The following AKAP13 variants were observed in gnomAD, a reference collection of about 807,000 sequenced individuals.
AKAP13 encodes the protein A-kinase anchoring protein 13.
AKAP13 carries 80 observed loss-of-function variants against 264.5 expected under a neutral mutation model. The ratio of observed to expected loss-of-function variants is 0.30; its 90% CI spans 0.25 to 0.36. The LOEUF is 0.36. Among genes scored for constraint, AKAP13 ranks in the 10% least tolerant of loss-of-function variants. The probability of loss-of-function intolerance (pLI) is 1.00; values close to 1 mark genes in which losing one functional copy is unlikely to be tolerated. For synonymous variants in AKAP13, 1,380 were observed against 1,250.2 expected (o/e 1.10, Z -2.19); for missense variants, 3,712 against 3,435.2 (o/e 1.08, Z -2.01).
At chr15:85,538,711 G>A (rs1351943325) in intron 4 of AKAP13, among the ~76,000 whole-genome samples, 3 of 151,184 alleles carry the variant, frequency 2.0e-5, no homozygotes, top group African/African-American at 7.3e-5. Context: ...GGATGGTCTC[G>A]ATCTCCTGAC....
Position 85,682,184 on chromosome 15 carries a change from C to G in AKAP13, c.5128C>G (p.His1710Asp). ...DNSRPFHSTFHNTSANLTESI... is the reference protein window; with the variant it reads ...DNSRPFHSTFDNTSANLTESI... Reference sequence around the variant, plus strand: ...TTCACGGCCCTTCCACAGTACCTTCCACAATACCAGTGCTAATCTGACTGA... The same window carrying G: ...TTCACGGCCCTTCCACAGTACCTTCGACAATACCAGTGCTAATCTGACTGA... The change falls in exon 15 of 37, where the codon CAC becomes GAC. Residue 1710 changes from histidine (H) to aspartate (D), a missense_variant. This residue lies in a region of AKAP13 where 2,759 missense variants were observed against 2,411.7 expected (regional missense o/e 1.14). Transcript: ENST00000394518. 1.2e-6 allele frequency: 2 copies of G among 1,613,500 alleles called. No homozygotes were observed. Among genetic ancestry groups the G allele is most frequent in the Non-Finnish European group, 1.7e-6 (2 of 1,179,932 alleles).
intron 10 of AKAP13, among the ~76,000 whole-genome samples, chr15:85,650,760 A>AAAAAAAAAAAAAAAAAAAAAAAAC (rs2082774599): frequency 2.3e-5 from 1 of 43,962 alleles, no homozygotes; most frequent in Admixed American, 2.1e-4. Flanking sequence ...CATCTCAAAA[A>AAAAAAAAAAAAAAAAAAAAAAAAC]AAAAAAAAAA....
chr15:85,443,614 A>G (rs1165182122), intron 1 of AKAP13, among the ~76,000 whole-genome samples: 2 of 152,206 alleles, frequency 1.3e-5, no homozygotes, highest in Non-Finnish European at 2.9e-5. Flanking sequence ...ATCTAAACAT[A>G]GAAAAGGTAC....
Position 85,525,089 on chromosome 15 carries a change from C to T in AKAP13, c.181+3514C>T, listed in dbSNP as rs186421560. ...TTTTTTTTTTTTTGAGATGGAGTCTCGCTCTGTGGTCCAGGCTGGAGTGCA... is the reference window on the plus strand; with the variant it reads ...TTTTTTTTTTTTTGAGATGGAGTCTTGCTCTGTGGTCCAGGCTGGAGTGCA... On this transcript the variant is annotated intron_variant, in intron 3 of 36. Coordinates refer to ENST00000394518, the MANE Select transcript of AKAP13 (RefSeq NM_007200.5). Among the ~76,000 whole-genome samples, 811 of 132,116 alleles carry T rather than the reference C, an allele frequency of 6.1e-3. 1 individual carries two copies. The highest frequency in any genetic ancestry group is 0.013 in the Middle Eastern group (2 of 160). The allele number at this position is 132,116 out of a possible 152,430, so 86.7% of individuals were successfully genotyped here.
At chr15:85,544,091 TG>T (rs2077654842) in intron 5 of AKAP13, 136 bp downstream of exon 5, 1 of 1,048,812 alleles carries the variant, frequency 9.5e-7, no homozygotes, top group Non-Finnish European at 1.4e-6. Flanking sequence ...TGCCTTCTGC[TG>T]GAGGTTTGTA....
chr15:85,546,616 G>C (rs2151220761), intron 5 of AKAP13, among the ~76,000 whole-genome samples: 1 of 152,212 alleles, frequency 6.6e-6, no homozygotes, highest in Admixed American at 6.5e-5. Flanking sequence ...CATGGGGTCT[G>C]TATCTCTTGA....
chr15:85,582,221 T>C, intron 7 of AKAP13, 114 bp downstream of exon 7: 3 of 1,199,158 alleles, frequency 2.5e-6, no homozygotes, highest in Non-Finnish European at 3.4e-6. Context: ...CTTGCACTCA[T>C]TGGGTAGGTA....
At position 85,726,394 on chromosome 15, in the gene AKAP13, C is replaced by T. The variant is rs2087618787; in HGVS notation, c.6746-16C>T. The T allele has an allele frequency of 1.2e-6, 2 of 1,607,004 alleles. No homozygotes were observed. Among genetic ancestry groups the T allele is most frequent in the Non-Finnish European group, 1.7e-6 (2 of 1,175,358 alleles). ...GTCATCGTTTTATCTTCCCTTCTCC[C>T]ATTTCCATTTTCCAGAGGTTCAAGC... On this transcript the variant is annotated splice_polypyrimidine_tract_variant and intron_variant, in intron 26 of 36. Transcript: ENST00000394518.
At chr15:85,650,170 T>A (rs1158899658) in intron 10 of AKAP13, among the ~76,000 whole-genome samples, 1 of 152,178 alleles carries the variant, frequency 6.6e-6, no homozygotes, top group East Asian at 1.9e-4. Context: ...TGGTTCACAC[T>A]TGTAATCCCA....
intron 17 of AKAP13, among the ~76,000 whole-genome samples, chr15:85,703,536 A>T (rs943727729): frequency 3.3e-5 from 5 of 152,148 alleles, no homozygotes; most frequent in Non-Finnish European, 5.9e-5. Context: ...CGATGTCTCA[A>T]ATCCCCCAAA....
intron 19 of AKAP13, among the ~76,000 whole-genome samples, chr15:85,712,778 AAG>A (rs1211117681): frequency 6.6e-6 from 1 of 152,180 alleles, no homozygotes; most frequent in Non-Finnish European, 1.5e-5. Flanking sequence ...TTTTGACCTC[AAG>A]GCATCTGTCT....
chr15:85,535,826 G>C (rs1329847362), intron 4 of AKAP13: 9 of 143,548 alleles, frequency 6.3e-5, no homozygotes, highest in Non-Finnish European at 6.0e-5. Context: ...TTGAGATAGA[G>C]TCTTGCTCTG....
chr15:85,546,005 A>G (rs2077723666), intron 5 of AKAP13, among the ~76,000 whole-genome samples: 1 of 151,946 alleles, frequency 6.6e-6, no homozygotes, highest in Admixed American at 6.6e-5. Flanking sequence ...GCCCCTGATA[A>G]CCTCTGTTCT....
chr15:85,658,516 C>T (rs1394073986), intron 11 of AKAP13, 21 bp from the exon 12 acceptor site: 2 of 1,613,002 alleles, frequency 1.2e-6, no homozygotes, highest in Non-Finnish European at 8.5e-7. Context: ...CAACACTGAC[C>T]TCTTCACCAT....
At chr15:85,421,915 A>C (rs1017415936) in intron 1 of AKAP13, among the ~76,000 whole-genome samples, 1 of 152,244 alleles carries the variant, frequency 6.6e-6, no homozygotes, top group Non-Finnish European at 1.5e-5. Context: ...TTCGTGCTCC[A>C]TAAGGGAGGT....
chr15:85,524,088 T>C (rs918979989), intron 3 of AKAP13, among the ~76,000 whole-genome samples: 20 of 152,216 alleles, frequency 1.3e-4, no homozygotes, highest in African/African-American at 4.6e-4. Context: ...GGGATGTCTC[T>C]GCACTCTTTG....
chr15:85,677,342 C>G (rs1364685852), intron 14 of AKAP13, among the ~76,000 whole-genome samples: 1 of 152,198 alleles, frequency 6.6e-6, no homozygotes. Context: ...GATAATCTTT[C>G]TAGCACACAG....
At chr15:85,499,182 C>G (rs541956224) in intron 2 of AKAP13, among the ~76,000 whole-genome samples, 62 of 152,236 alleles carry the variant, frequency 4.1e-4, no homozygotes, top group African/African-American at 1.4e-3. Context: ...GCGTTATTGA[C>G]TCAGAATAAT....
intron 2 of AKAP13, among the ~76,000 whole-genome samples, chr15:85,504,393 G>T (rs1315356936): frequency 6.6e-6 from 1 of 150,718 alleles, no homozygotes; most frequent in Non-Finnish European, 1.5e-5. Flanking sequence ...CAGGCTGGGC[G>T]CAGTGGCTCG....
Sources: gnomAD v4.1 joint callset for allele counts (sites outside exome capture counted in the v4.1 genomes callset) on GRCh38, gnomAD v4.1.1 for gene constraint, gnomAD v4.1.1 regional missense constraint, MANE v1.5 for transcripts, NCBI Gene and HGNC (gene_info 2026-07-23, HGNC 2026-07-21) for gene names.